The following COPA variants were observed in gnomAD, a reference collection of about 807,000 sequenced individuals.
The protein encoded by COPA is coatomer subunit alpha.
COPA carries 10 observed loss-of-function variants against 158.7 expected under a neutral mutation model. The observed-to-expected ratio is 0.06, with a 90% CI of 0.04 to 0.11. The LOEUF is 0.11. Ranked by LOEUF, COPA falls within the 10% of genes least tolerant of loss-of-function variation. COPA has a pLI of 1.00. For synonymous variants in COPA, 462 were observed against 542.8 expected (o/e 0.85, Z 2.07); for missense variants, 1,065 against 1,536.7 (o/e 0.69, Z 5.13).
intron 6 of COPA, among the ~76,000 whole-genome samples, chr1:160,327,019 T>A (rs1203131015): frequency 6.6e-6 from 1 of 152,206 alleles, no homozygotes; most frequent in Non-Finnish European, 1.5e-5. Context: ...TACTTTGTGG[T>A]TTTCAGAGAG....
chr1:160,307,054 T>C, intron 14 of COPA, 109 bp downstream of exon 14: 1 of 1,076,244 alleles, frequency 9.3e-7, no homozygotes. Context: ...TACATGAGAA[T>C]CACGGCTGCC....
chr1:160,334,005 AT>A (rs2101873492), intron 4 of COPA, among the ~76,000 whole-genome samples: 1 of 152,290 alleles, frequency 6.6e-6, no homozygotes, highest in Non-Finnish European at 1.5e-5. Context: ...ACAGTTAATC[AT>A]GTAAATTAAG....
intron 8 of COPA, among the ~76,000 whole-genome samples, chr1:160,318,249 T>C (rs927965999): frequency 1.3e-5 from 2 of 152,044 alleles, no homozygotes; most frequent in African/African-American, 2.4e-5. Context: ...ACTCCAAAGA[T>C]GGCTTCATTG....
intron 32 of COPA, 132 bp downstream of exon 32, chr1:160,290,360 C>T: frequency 7.4e-7 from 1 of 1,353,862 alleles, no homozygotes. Flanking sequence ...TGGGGAGATG[C>T]TCTAGCTTTC....
rs147860581 is a variant in COPA at position 160,324,986 on chromosome 1, A to C, written c.606+557T>G. On this transcript the variant is annotated intron_variant, in intron 7 of 32. Coordinates refer to ENST00000241704, the MANE Select transcript of COPA (RefSeq NM_004371.4). ...AAAAGCACCTGGGTTTTGGAGTCAG[A>C]TCGAAATTCAAATCTTATTTCTTAC... 1.3e-3 allele frequency among the ~76,000 whole-genome samples: 201 copies of C among 152,278 alleles called. 1 individual carries two copies. The highest frequency in any genetic ancestry group is 4.4e-3 in the African/African-American group (184 of 41,556).
chr1:160,301,922 A>T (rs1303810593), intron 17 of COPA, among the ~76,000 whole-genome samples: 2 of 152,136 alleles, frequency 1.3e-5, no homozygotes, highest in African/African-American at 2.4e-5. Context: ...TATACATTTT[A>T]AAAATCTACT....
intron 6 of COPA, among the ~76,000 whole-genome samples, chr1:160,331,448 T>A (rs1012752799): frequency 3.3e-5 from 5 of 150,392 alleles, no homozygotes; most frequent in Admixed American, 2.6e-4. Flanking sequence ...AGGTCAGGAG[T>A]TCGAGACCAG....
rs542060581 is a variant in COPA at position 160,320,097 on chromosome 1, C to T, written c.706+3334G>A. Among the ~76,000 whole-genome samples the T allele has an allele frequency of 3.9e-4, 60 of 151,928 alleles. 1 individual carries two copies. In the Middle Eastern group the frequency reaches 0.01, roughly 26 times the overall value. ...GACTATCAATGAAACGAAACACTTG[C>T]TTTTTGAAAAGATAGTATCAACAAA... is the stretch of plus-strand genomic sequence containing the variant. On this transcript the variant is annotated intron_variant, in intron 8 of 32. Transcript: ENST00000241704.
At chr1:160,298,805 C>T (rs898355653) in intron 19 of COPA, 40 bp downstream of exon 19, 3 of 1,612,430 alleles carry the variant, frequency 1.9e-6, no homozygotes, top group African/African-American at 1.3e-5. Context: ...ACTCTCTCAC[C>T]TCTAAGACAA....
At chr1:160,299,374 T>C in intron 17 of COPA, 110 bp from the exon 18 acceptor site, 2 of 1,062,986 alleles carry the variant, frequency 1.9e-6, no homozygotes, top group Non-Finnish European at 2.7e-6. Context: ...TGAACAATGA[T>C]ATAGATGGGA....
intron 25 of COPA, among the ~76,000 whole-genome samples, chr1:160,293,915 C>A (rs542419892): frequency 5.9e-5 from 9 of 152,270 alleles, no homozygotes; most frequent in Admixed American, 5.2e-4. Flanking sequence ...GAGAAGGCTG[C>A]CAAAATAGGA....
chr1:160,313,066 G>C lies in COPA; in HGVS notation c.925+19C>G. 1.9e-6 allele frequency: 3 copies of C among 1,605,384 alleles called. No individual in the cohort carries two copies. Among genetic ancestry groups the C allele is most frequent in the Non-Finnish European group, 2.6e-6 (3 of 1,175,214 alleles). On this transcript the variant is annotated intron_variant, in intron 10 of 32. Coordinates refer to ENST00000241704, the MANE Select transcript of COPA (RefSeq NM_004371.4). ...AACTTTGAATTAAGCAAAGAAAAAA[G>C]AGAGAAAATGGCCCTTACCTGCTGC...
At chr1:160,339,009 CT>C (rs2101879109) in intron 3 of COPA, among the ~76,000 whole-genome samples, 1 of 151,388 alleles carries the variant, frequency 6.6e-6, no homozygotes, top group Non-Finnish European at 1.5e-5. Flanking sequence ...ATTATCCATT[CT>C]CTTCCACTCC....
At position 160,328,893 on chromosome 1, in the gene COPA, T is replaced by G. The variant is rs552084950; in HGVS notation, c.497-3241A>C. 3.9e-5 allele frequency among the ~76,000 whole-genome samples: 6 copies of G among 152,318 alleles called. 1 individual carries two copies. Among genetic ancestry groups the G allele is most frequent in the Admixed American group, 3.9e-4 (6 of 15,300 alleles). ...ATAGGTTTTCCTTTAAAGATCTCTA[T>G]ATTCTCTTACTGCTTAACTAACTCA... On this transcript the variant is annotated intron_variant, in intron 6 of 32. Transcript: ENST00000241704.
intron 19 of COPA, among the ~76,000 whole-genome samples, chr1:160,298,173 C>A (rs1658477372): frequency 6.6e-6 from 1 of 150,398 alleles, no homozygotes; most frequent in Non-Finnish European, 1.5e-5. Flanking sequence ...AAGAGCGAGA[C>A]TCCGCCTCAA....
rs576052309 is a variant in COPA at position 160,291,996 on chromosome 1, G to A, written c.3147+16C>T. The A allele has an allele frequency of 1.6e-4, 260 of 1,614,094 alleles. No homozygotes were observed. Among genetic ancestry groups the A allele is most frequent in the Non-Finnish European group, 2.0e-4 (236 of 1,179,992 alleles). The stretch of plus-strand genomic sequence containing the variant: ...TGGAAGTGCCCAGAACTGGGACAGC[G>A]GCTAGACCCTCCTACCTCTGCAATC... On this transcript the variant is annotated intron_variant, in intron 29 of 32. Transcript: ENST00000241704.
In COPA at chr1:160,325,566, C is replaced by T; in HGVS notation, c.583G>A (p.Ala195Thr). The T allele has an allele frequency of 1.9e-6, 3 of 1,614,182 alleles. No homozygotes were observed. Among genetic ancestry groups the T allele is most frequent in the East Asian group, 2.2e-5 (1 of 44,890 alleles). ...ACCTCTAGTACATGCTTCACCACTG[C>T]ATCTGTAGTTCCAAATAGATCAACC... is the stretch of plus-strand genomic sequence containing the variant. ...TGVDLFGTTDAVVKHVLEGHD... is the reference protein window; with the variant it reads ...TGVDLFGTTDTVVKHVLEGHD... The change falls in exon 7 of 33, where the codon GCA becomes ACA. Residue 195 changes from alanine to threonine, a missense_variant. By Grantham distance (58) the Ala-to-Thr change is moderately conservative. Transcript: ENST00000241704.
intron 6 of COPA, among the ~76,000 whole-genome samples, chr1:160,331,004 T>C (rs887396622): frequency 6.6e-6 from 1 of 151,404 alleles, no homozygotes; most frequent in Non-Finnish European, 1.5e-5. Context: ...TGAAACCCTG[T>C]CTCTACTAAA....
At chr1:160,315,350 T>A (rs984036161) in intron 8 of COPA, among the ~76,000 whole-genome samples, 1 of 152,180 alleles carries the variant, frequency 6.6e-6, no homozygotes, top group Non-Finnish European at 1.5e-5. Context: ...GAGGCAAGAC[T>A]ATCACACCCA....
Sources: allele counts gnomAD v4.1 joint callset (sites outside exome capture counted in the v4.1 genomes callset), GRCh38; gene constraint gnomAD v4.1.1; transcripts MANE v1.5; gene names NCBI Gene and HGNC (gene_info 2026-07-23, HGNC 2026-07-21).